TGFB2: variants seen among roughly 807,000 people sequenced by gnomAD.
The protein encoded by TGFB2 is transforming growth factor beta-2 proprotein.
In TGFB2, 13 loss-of-function variants were observed where a neutral mutation model predicts 42.7. The observed-to-expected ratio is 0.30, with a 90% CI of 0.20 to 0.48. TGFB2 has a LOEUF of 0.48. TGFB2 is among the 20% of genes least tolerant of loss of function. TGFB2 has a pLI of 0.99. For missense variants in TGFB2, 390 were observed against 517.5 expected, an observed-to-expected ratio of 0.75 and a Z score of 2.39; for synonymous variants, 193 against 193.6, an observed-to-expected ratio of 1.00 and a Z score of 0.03.
At chr1:218,352,127 CCCCCA>C (rs1393153789) in intron 1 of TGFB2, among the ~76,000 whole-genome samples, 36 of 146,720 alleles carry the variant, frequency 2.5e-4, no homozygotes, top group African/African-American at 9.1e-4. Flanking sequence ...GCCCACAGCA[CCCCCA>C]CCCCACCCCG....
intron 2 of TGFB2, among the ~76,000 whole-genome samples, chr1:218,428,655 G>T (rs1659705491): frequency 6.6e-6 from 1 of 152,140 alleles, no homozygotes. Flanking sequence ...TAGATGTGTG[G>T]TGTTATTTCT....
intron 2 of TGFB2, among the ~76,000 whole-genome samples, chr1:218,431,978 T>C (rs1213016125): frequency 2.6e-5 from 4 of 152,232 alleles, no homozygotes; most frequent in African/African-American, 9.6e-5. Context: ...GTGTATACGT[T>C]CCACTATCTT....
intron 1 of TGFB2, among the ~76,000 whole-genome samples, chr1:218,404,199 G>A (rs775067214): frequency 1.9e-4 from 29 of 152,114 alleles, no homozygotes; most frequent in Middle Eastern, 6.8e-3. Context: ...TGCAGCCTCC[G>A]CCCCCGGGGT....
intron 2 of TGFB2, among the ~76,000 whole-genome samples, chr1:218,414,448 C>T (rs536061936): frequency 6.6e-6 from 1 of 152,162 alleles, no homozygotes. Flanking sequence ...CTGATCCTAG[C>T]CCCGGCGCCA....
At chr1:218,433,678 T>A (rs1659879232) in intron 2 of TGFB2, among the ~76,000 whole-genome samples, 1 of 152,204 alleles carries the variant, frequency 6.6e-6, no homozygotes, top group Admixed American at 6.5e-5. Flanking sequence ...TGAACTGGAC[T>A]TCTCCTCTTG....
chr1:218,421,340 G>A (rs1295850070), intron 2 of TGFB2, among the ~76,000 whole-genome samples: 1 of 149,712 alleles, frequency 6.7e-6, no homozygotes, highest in Admixed American at 6.7e-5. Flanking sequence ...CTCTGTGGTG[G>A]GTTTCTGGAT....
rs182592361 is a variant in TGFB2 at position 218,409,447 on chromosome 1, G to C, written c.510+4115G>C. Among the ~76,000 whole-genome samples the C allele has an allele frequency of 5.9e-5, 9 of 152,198 alleles. No individual in the cohort carries two copies. The East Asian group carries it at 1.7e-3, about 29-fold the overall frequency. On this transcript the variant is annotated intron_variant, in intron 2 of 6. Coordinates refer to ENST00000366930, the MANE Select transcript of TGFB2 (RefSeq NM_003238.6). The stretch of plus-strand genomic sequence containing the variant: ...CTCTTTATTTGGAGTCCTATTTTTA[G>C]TATGGTGTTCTCCAACTTTCCTTTT...
chr1:218,390,843 C>T (rs1250994694), intron 1 of TGFB2, among the ~76,000 whole-genome samples: 1 of 152,154 alleles, frequency 6.6e-6, no homozygotes, highest in African/African-American at 2.4e-5. Flanking sequence ...TCTTAATTGC[C>T]CATAGCTGTG....
chr1:218,355,362 G>A (rs1656999617), intron 1 of TGFB2, among the ~76,000 whole-genome samples: 1 of 152,150 alleles, frequency 6.6e-6, no homozygotes, highest in Admixed American at 6.6e-5. Flanking sequence ...AATAAAGAAA[G>A]GAGAATAAAT....
At chr1:218,374,970 A>G (rs1657692854) in intron 1 of TGFB2, among the ~76,000 whole-genome samples, 1 of 152,140 alleles carries the variant, frequency 6.6e-6, no homozygotes, top group Admixed American at 6.5e-5. Flanking sequence ...AATACTTTTA[A>G]ACTACTCTCT....
intron 2 of TGFB2, among the ~76,000 whole-genome samples, chr1:218,412,891 A>G (rs577352325): frequency 1.3e-5 from 2 of 152,318 alleles, no homozygotes; most frequent in Non-Finnish European, 2.9e-5. Flanking sequence ...TGGGGGAAGC[A>G]GAGTGATGTA....
chr1:218,355,138 G>C (rs887828963), intron 1 of TGFB2, among the ~76,000 whole-genome samples: 1 of 152,182 alleles, frequency 6.6e-6, no homozygotes, highest in Non-Finnish European at 1.5e-5. Context: ...GATCTCAAGT[G>C]ATCCATCCGC....
intron 1 of TGFB2, among the ~76,000 whole-genome samples, chr1:218,400,810 A>G (rs1265106155): frequency 1.3e-5 from 2 of 151,438 alleles, no homozygotes; most frequent in East Asian, 1.9e-4. Flanking sequence ...CCTGACCCCA[A>G]CTGTCATTGG....
At position 218,441,419 on chromosome 1, in the gene TGFB2, G is replaced by A. The variant is rs772714576; in HGVS notation, c.*57G>A. The A allele has an allele frequency of 2.0e-5, 30 of 1,526,666 alleles. No homozygotes were observed. The highest frequency in any genetic ancestry group is 1.7e-4 in the Middle Eastern group (1 of 5,754). 94.6% of individuals were successfully genotyped at this position (1,526,666 alleles called of 1,614,324 possible). ...CAATGATGATGATAATGATGATGAC[G>A]ACGACAACGATGATGCTTGTAACAA... On this transcript the variant is annotated 3_prime_UTR_variant, in exon 7 of 7. Transcript: ENST00000366930.
At chr1:218,393,588 C>G (rs897087491) in intron 1 of TGFB2, among the ~76,000 whole-genome samples, 3 of 151,760 alleles carry the variant, frequency 2.0e-5, no homozygotes, top group African/African-American at 7.3e-5. Context: ...CTATTTTGCT[C>G]CCTGGATATC....
intron 2 of TGFB2, among the ~76,000 whole-genome samples, chr1:218,416,320 G>C (rs1462103023): frequency 1.3e-5 from 2 of 151,374 alleles, no homozygotes; most frequent in Non-Finnish European, 2.9e-5. Context: ...TAAATGTTCA[G>C]TATGCCAACT....
rs571402381 is a variant in TGFB2, at chr1:218,443,688, A to G, written c.*2326A>G. ...GCACTGATAATATTTTAAATGCTCT[A>G]TTTTAAGATCTCTTGAATCTGTTTT... On this transcript the variant is annotated 3_prime_UTR_variant, in exon 7 of 7. Coordinates refer to ENST00000366930, the MANE Select transcript of TGFB2 (RefSeq NM_003238.6). The G allele has an allele frequency of 1.4e-5, 2 of 141,862 alleles. No individual in the cohort carries two copies. Among genetic ancestry groups the G allele is most frequent in the Non-Finnish European group, 3.0e-5 (2 of 65,906 alleles). 8.8% of individuals were successfully genotyped at this position (141,862 alleles called of 1,614,324 possible).
At chr1:218,353,787 G>T (rs111418139) in intron 1 of TGFB2, among the ~76,000 whole-genome samples, 3 of 152,156 alleles carry the variant, frequency 2.0e-5, no homozygotes, top group Admixed American at 2.0e-4. Context: ...CTACTTGGGC[G>T]GCTGAAGCAG....
chr1:218,349,659 A>C (rs1656806061), intron 1 of TGFB2, among the ~76,000 whole-genome samples: 1 of 152,384 alleles, frequency 6.6e-6, no homozygotes, highest in East Asian at 1.9e-4. Flanking sequence ...ATATCATTAC[A>C]GATTGCTGAT....
Sources: gnomAD v4.1 joint callset for allele counts (sites outside exome capture counted in the v4.1 genomes callset) on GRCh38, gnomAD v4.1.1 for gene constraint, MANE v1.5 for transcripts, NCBI Gene and HGNC (gene_info 2026-07-23, HGNC 2026-07-21) for gene names.